Variants in IGSF9B observed in about 807,000 individuals in gnomAD.
IGSF9B encodes immunoglobulin superfamily member 9B.
A neutral mutation model predicts 143.7 loss-of-function variants in IGSF9B; 48 were observed. The ratio of observed to expected loss-of-function variants is 0.33; its 90% CI spans 0.26 to 0.42. The LOEUF is 0.42. Among genes scored for constraint, IGSF9B ranks in the 20% least tolerant of loss-of-function variants. The pLI is 1.00. For missense variants in IGSF9B, 1,706 were observed against 1,980.0 expected, an observed-to-expected ratio of 0.86 and a Z score of 2.63; for synonymous variants, 903 against 833.1, an observed-to-expected ratio of 1.08 and a Z score of -1.44.
chr11:133,940,547 T>C (rs1399978635), intron 3 of IGSF9B, among the ~76,000 whole-genome samples: 3 of 134,174 alleles, frequency 2.2e-5, no homozygotes, highest in Non-Finnish European at 4.6e-5. Flanking sequence ...ACCTCGCATG[T>C]CCTCGCACGC....
chr11:133,951,552 C>G (rs1438038036), intron 1 of IGSF9B, among the ~76,000 whole-genome samples: 2 of 152,234 alleles, frequency 1.3e-5, no homozygotes, highest in Non-Finnish European at 2.9e-5. Context: ...TATTAGCAAC[C>G]TTAATTTGCT....
At chr11:133,918,468 G>A (rs1939436071) in intron 18 of IGSF9B, among the ~76,000 whole-genome samples, 1 of 152,150 alleles carries the variant, frequency 6.6e-6, no homozygotes, top group African/African-American at 2.4e-5. Context: ...ATGGAAGGAA[G>A]CAGATGAGCT....
At chr11:133,922,339 A>G in intron 16 of IGSF9B, 117 bp from the exon 17 acceptor site, 2 of 989,258 alleles carry the variant, frequency 2.0e-6, no homozygotes, top group Non-Finnish European at 3.0e-6. Context: ...AGCTGCTCAC[A>G]GTGGGCATCT....
chr11:133,934,194 T>C (rs576954475), intron 7 of IGSF9B, among the ~76,000 whole-genome samples: 5 of 152,144 alleles, frequency 3.3e-5, no homozygotes, highest in Non-Finnish European at 7.4e-5. Context: ...AACCAAAACA[T>C]GTCTCCAGAA....
intron 1 of IGSF9B, among the ~76,000 whole-genome samples, chr11:133,954,658 A>G (rs1047489030): frequency 2.0e-5 from 3 of 152,252 alleles, no homozygotes; most frequent in African/African-American, 7.2e-5. Context: ...AGTGACATTT[A>G]GAGAGGTTGA....
Position 133,920,495 on chromosome 11 carries a change from G to C in IGSF9B, c.3230C>G (p.Pro1077Arg), listed in dbSNP as rs1939506205. The C allele has an allele frequency of 6.3e-7, 1 of 1,584,600 alleles. No homozygotes were observed. The highest frequency in any genetic ancestry group is 8.6e-7 in the Non-Finnish European group (1 of 1,164,584). Residue 1077 changes from proline (P) to arginine (R), a missense_variant, in exon 18 of 20, where the codon CCC (proline) becomes CGC (arginine). By Grantham distance (103) the Pro-to-Arg change is moderately radical. Around this residue, in one of 7 missense-constraint regions of IGSF9B, gnomAD observed 880 missense variants for 762.9 expected, o/e 1.15. Transcript: ENST00000533871. The stretch of plus-strand genomic sequence containing the variant: ...CAGGGAGGTGGGGGGCAGTCCTCGG[G>C]GGAGGCCGGCCTTGGGCTGCAGACT... ...PESLQPKAGLPRGLPPTSLQV... is the reference protein window; with the variant it reads ...PESLQPKAGLRRGLPPTSLQV...
intron 5 of IGSF9B, among the ~76,000 whole-genome samples, chr11:133,936,953 G>GC (rs763628762): frequency 2.0e-5 from 3 of 152,222 alleles, no homozygotes; most frequent in Non-Finnish European, 4.4e-5. Flanking sequence ...CCCCAGCTCT[G>GC]CCAAATGCCC....
rs1940261528 is a variant in IGSF9B, at chr11:133,956,637, G to C, written c.64+54C>G. On this transcript the variant is annotated intron_variant, in intron 1 of 19. Coordinates refer to ENST00000533871, the MANE Select transcript of IGSF9B (RefSeq NM_001277285.4). ...GCCGGGAAACCGAGGGGCCGGGCGC[G>C]AGGGGCCGAGGGCGCCGGGAGGGGC... 2.4e-6 allele frequency: 3 copies of C among 1,258,680 alleles called. No homozygotes were observed. In the East Asian group the frequency reaches 8.9e-5, roughly 37 times the overall value. 78.0% of individuals were successfully genotyped at this position (1,258,680 alleles called of 1,614,324 possible).
intron 3 of IGSF9B, 191 bp from the exon 4 acceptor site, chr11:133,938,152 G>A (rs889773604): frequency 1.9e-5 from 12 of 618,934 alleles, no homozygotes; most frequent in African/African-American, 9.2e-5. Flanking sequence ...CCAAACTCAG[G>A]CTGGCTGGGT....
rs1407542741 is a variant in IGSF9B at position 133,920,688 on chromosome 11, G to A, written c.3037C>T (p.Pro1013Ser). ...TEGPFGHPTI[P>S]EENGENASNS... ...GATGCATTCTCTCCATTCTCCTCGG[G>A]GATGGTGGGGTGGCCAAAGGGCCCC... Residue 1013 changes from proline (P) to serine (S), a missense_variant, in exon 18 of 20, where the codon CCC becomes TCC. Pro to Ser is a moderately conservative substitution (Grantham distance 74). Around this residue, in one of 7 missense-constraint regions of IGSF9B, gnomAD observed 880 missense variants for 762.9 expected, o/e 1.15. Transcript: ENST00000533871. 8 of 1,613,494 alleles carry A rather than the reference G, an allele frequency of 5.0e-6. No homozygotes were observed. In the South Asian group the frequency reaches 5.5e-5, roughly 11 times the overall value.
In IGSF9B at chr11:133,928,691, G is replaced by A. The variant is rs1321297638; in HGVS notation, c.1631+980C>T. ...ACTCTTACTCAAACAGGAGTGTAGG[G>A]AGGGGCAGCCCTTGGGGGTGGGAGG... On this transcript the variant is annotated intron_variant, in intron 12 of 19. Coordinates refer to ENST00000533871, the MANE Select transcript of IGSF9B (RefSeq NM_001277285.4). This position sits in a 1 kb window ranked among gnomAD's most constrained non-coding sequence, Gnocchi z 4.7. Among the ~76,000 whole-genome samples the A allele has an allele frequency of 3.9e-5, 6 of 152,210 alleles. No individual in the cohort carries two copies. The East Asian group carries it at 9.6e-4, about 24-fold the overall frequency.
chr11:133,956,095 C>A (rs990380377), intron 1 of IGSF9B, among the ~76,000 whole-genome samples: 2 of 152,154 alleles, frequency 1.3e-5, no homozygotes, highest in Admixed American at 1.3e-4. Context: ...ATCCTCCTCT[C>A]ACCGGGCGCC....
intron 6 of IGSF9B, 60 bp from the exon 7 acceptor site, chr11:133,935,822 C>T: frequency 6.3e-7 from 1 of 1,575,668 alleles, no homozygotes; most frequent in Admixed American, 1.7e-5. Flanking sequence ...GCCGCAGACA[C>T]ACAGTCACCG....
chr11:133,921,569 ATCC>A (rs1167284156), intron 17 of IGSF9B, among the ~76,000 whole-genome samples, 172 bp from the exon 18 acceptor site: 3 of 151,176 alleles, frequency 2.0e-5, no homozygotes, highest in Non-Finnish European at 4.4e-5. Flanking sequence ...CTGGACGTGA[ATCC>A]TCCTTTTTTT....
chr11:133,928,640 C>A lies in IGSF9B; in HGVS notation c.1631+1031G>T, dbSNP rs1048807272. Among the ~76,000 whole-genome samples, 5 of 152,180 alleles carry A rather than the reference C, an allele frequency of 3.3e-5. No homozygotes were observed. The highest frequency in any genetic ancestry group is 7.3e-5 in the Non-Finnish European group (5 of 68,030). ...TCGCCCTCCCAGCTCAAGGTTGTCA[C>A]CCCCGGGGCAGGGCAGGTGGCTGCC... On this transcript the variant is annotated intron_variant, in intron 12 of 19. Coordinates refer to ENST00000533871, the MANE Select transcript of IGSF9B (RefSeq NM_001277285.4). The surrounding 1 kb of genome is among the most constrained non-coding windows in gnomAD (Gnocchi z 4.7).
At chr11:133,956,544 C>G in intron 1 of IGSF9B, 147 bp downstream of exon 1, 1 of 511,434 alleles carries the variant, frequency 2.0e-6, no homozygotes. Context: ...CCGCCTGGCC[C>G]GCGTCGGAGC....
At position 133,903,781 on chromosome 11, in the gene IGSF9B, G is replaced by T. The variant is rs1939174870; in HGVS notation, c.*5288C>A. Among the ~76,000 whole-genome samples the T allele has an allele frequency of 6.6e-6, 1 of 152,200 alleles. No homozygotes were observed. The highest frequency in any genetic ancestry group is 6.5e-5 in the Admixed American group (1 of 15,278). ...TTTTGAGAGTACAGACAGGAACCCA[G>T]AAATAAGGCTCTGAACCAGTGTGGA... On this transcript the variant is annotated 3_prime_UTR_variant, in exon 20 of 20. Transcript: ENST00000533871.
Position 133,909,035 on chromosome 11 carries a change from A to G in IGSF9B, c.*34T>C. The G allele has an allele frequency of 1.3e-6, 2 of 1,521,756 alleles. No individual in the cohort carries two copies. The highest frequency in any genetic ancestry group is 1.8e-6 in the Non-Finnish European group (2 of 1,135,054). 94.3% of individuals were successfully genotyped at this position (1,521,756 alleles called of 1,614,324 possible). On this transcript the variant is annotated 3_prime_UTR_variant, in exon 20 of 20. Coordinates refer to ENST00000533871, the MANE Select transcript of IGSF9B (RefSeq NM_001277285.4). The surrounding 1 kb of genome is among the most constrained non-coding windows in gnomAD (Gnocchi z 4.2). ...TGGCCCTCCCTGCCTGAGCCCAGCA[A>G]CCTCGCCCCGGGGACACCTAGAGTG...
intron 1 of IGSF9B, among the ~76,000 whole-genome samples, chr11:133,947,853 CTCT>C (rs2121342641): frequency 6.6e-6 from 1 of 152,060 alleles, no homozygotes; most frequent in South Asian, 2.1e-4. Flanking sequence ...TTGCTGGCTC[CTCT>C]GTCTGCCTGT....
Sources: allele counts gnomAD v4.1 joint callset (sites outside exome capture counted in the v4.1 genomes callset), GRCh38; gene constraint gnomAD v4.1.1; regional missense constraint gnomAD v4.1.1; non-coding constraint Gnocchi (gnomAD v3.1); transcripts MANE v1.5; gene names NCBI Gene and HGNC (gene_info 2026-07-23, HGNC 2026-07-21).